Variants in CCSER1 observed in about 807,000 individuals in gnomAD.
CCSER1 encodes the protein coiled-coil serine rich protein 1.
In CCSER1, 41 loss-of-function variants were observed where a neutral mutation model predicts 82.0. The ratio of observed to expected loss-of-function variants is 0.50; its 90% CI spans 0.39 to 0.65. The LOEUF is 0.65. Among genes scored for constraint, CCSER1 ranks in the 30% least tolerant of loss-of-function variants. The probability of loss-of-function intolerance (pLI) is 0.00; values close to 1 mark genes in which losing one functional copy is unlikely to be tolerated. For synonymous variants in CCSER1, 414 were observed against 383.9 expected (o/e 1.08, Z -0.92); for missense variants, 1,119 against 1,064.2 (o/e 1.05, Z -0.72).
At chr4:90,767,825 G>A (rs1007613245) in intron 7 of CCSER1, among the ~76,000 whole-genome samples, 3 of 151,784 alleles carry the variant, frequency 2.0e-5, no homozygotes, top group African/African-American at 7.2e-5. Context: ...GTGCCACCAT[G>A]CCTGGCTTAT....
At chr4:90,686,415 T>A (rs1734826201) in intron 6 of CCSER1, among the ~76,000 whole-genome samples, 1 of 152,034 alleles carries the variant, frequency 6.6e-6, no homozygotes. Flanking sequence ...GTAGGATTTC[T>A]TTTTACTTTA....
chr4:90,307,877 G>A (rs1025339787), intron 1 of CCSER1, among the ~76,000 whole-genome samples: 6 of 152,094 alleles, frequency 3.9e-5, no homozygotes, highest in African/African-American at 1.4e-4. Flanking sequence ...CGTGCCTACT[G>A]CATCTAAATA....
intron 1 of CCSER1, among the ~76,000 whole-genome samples, chr4:90,242,693 A>G (rs1486860198): frequency 1.3e-5 from 2 of 152,352 alleles, no homozygotes; most frequent in East Asian, 3.9e-4. Flanking sequence ...ACAATTAATT[A>G]TAGAGCACGT....
intron 5 of CCSER1, among the ~76,000 whole-genome samples, chr4:90,619,710 A>T (rs770671503): frequency 2.9e-4 from 44 of 152,136 alleles, no homozygotes; most frequent in Non-Finnish European, 3.2e-4. Context: ...ATAATTAATT[A>T]GAAAATGAGA....
At chr4:91,358,358 C>T (rs1748999889) in intron 10 of CCSER1, among the ~76,000 whole-genome samples, 1 of 146,826 alleles carries the variant, frequency 6.8e-6, no homozygotes, top group African/African-American at 2.5e-5. Flanking sequence ...ACATAGTTCC[C>T]AGTGGGGTGG....
intron 8 of CCSER1, among the ~76,000 whole-genome samples, chr4:90,895,912 A>G (rs1053602981): frequency 6.6e-6 from 1 of 151,966 alleles, no homozygotes; most frequent in African/African-American, 2.4e-5. Flanking sequence ...ATCTGATTTT[A>G]TTTTAGAAAG....
At chr4:91,335,261 C>G (rs1477423128) in intron 10 of CCSER1, among the ~76,000 whole-genome samples, 2 of 151,982 alleles carry the variant, frequency 1.3e-5, no homozygotes, top group Admixed American at 6.6e-5. Context: ...CTGTTTCCTA[C>G]CCCAATCCCC....
intron 3 of CCSER1, among the ~76,000 whole-genome samples, chr4:90,357,070 AAAAG>A (rs1744492223): frequency 6.6e-6 from 1 of 151,942 alleles, no homozygotes; most frequent in Non-Finnish European, 1.5e-5. Context: ...ACTCAATAGA[AAAAG>A]AAATAATTGG....
At chr4:90,142,389 C>T (rs1318456276) in intron 1 of CCSER1, among the ~76,000 whole-genome samples, 2 of 152,214 alleles carry the variant, frequency 1.3e-5, no homozygotes, top group African/African-American at 2.4e-5. Flanking sequence ...TGCTTGGCAC[C>T]AGACAATTAA....
At chr4:91,312,013 G>T (rs1258088552) in intron 10 of CCSER1, among the ~76,000 whole-genome samples, 1 of 151,806 alleles carries the variant, frequency 6.6e-6, no homozygotes, top group African/African-American at 2.4e-5. Flanking sequence ...AAATTATTCT[G>T]ATTTTTAAAA....
At chr4:91,354,395 C>A (rs1412411935) in intron 10 of CCSER1, among the ~76,000 whole-genome samples, 1 of 152,182 alleles carries the variant, frequency 6.6e-6, no homozygotes, top group Non-Finnish European at 1.5e-5. Flanking sequence ...GTCCACTGAT[C>A]AGGCAGATTA....
intron 10 of CCSER1, among the ~76,000 whole-genome samples, chr4:91,409,688 CTTTTTTCT>C: frequency 6.6e-6 from 1 of 152,072 alleles, no homozygotes; most frequent in South Asian, 2.1e-4. Context: ...TTGTCTTTTT[CTTTTTTCT>C]TTTTTTCTTT....
intron 7 of CCSER1, among the ~76,000 whole-genome samples, chr4:90,736,028 G>T (rs1189332846): frequency 6.6e-6 from 1 of 151,970 alleles, no homozygotes; most frequent in Non-Finnish European, 1.5e-5. Flanking sequence ...AATTCATTGT[G>T]TTGTTGATTT....
At chr4:91,037,897 C>T (rs1033327354) in intron 9 of CCSER1, among the ~76,000 whole-genome samples, 1 of 151,946 alleles carries the variant, frequency 6.6e-6, no homozygotes, top group Non-Finnish European at 1.5e-5. Flanking sequence ...TATGCATATA[C>T]AACAGACATA....
intron 9 of CCSER1, among the ~76,000 whole-genome samples, chr4:90,986,315 T>C (rs1434896603): frequency 6.6e-6 from 1 of 151,796 alleles, no homozygotes; most frequent in African/African-American, 2.4e-5. Flanking sequence ...GTTTTAACCT[T>C]GATGTTTTTA....
chr4:90,530,152 A>T (rs1774322954), intron 5 of CCSER1, among the ~76,000 whole-genome samples: 1 of 152,188 alleles, frequency 6.6e-6, no homozygotes, highest in Non-Finnish European at 1.5e-5. Context: ...GAAACTGGAG[A>T]TGCCAAGATG....
rs955282639 is a variant in CCSER1 at position 91,253,962 on chromosome 4, G to C, written c.2217+167968G>C. Among the ~76,000 whole-genome samples, 11 of 152,212 alleles carry C rather than the reference G, an allele frequency of 7.2e-5. No homozygotes were observed. The East Asian group carries it at 1.4e-3, about 19-fold the overall frequency. On this transcript the variant is annotated intron_variant, in intron 10 of 10. Transcript: ENST00000509176. ...GGTGCTAAACCATTTGTGAGAAACT[G>C]CCCCCATGATCCAATCACCTCCCAC...
chr4:90,828,187 A>G (rs556443554), intron 8 of CCSER1, among the ~76,000 whole-genome samples: 34 of 152,332 alleles, frequency 2.2e-4, no homozygotes, highest in African/African-American at 8.2e-4. Context: ...TATATCCAAC[A>G]TACCTCAAGT....
chr4:91,395,735 A>G (rs1041811217), intron 10 of CCSER1, among the ~76,000 whole-genome samples: 3 of 152,022 alleles, frequency 2.0e-5, no homozygotes, highest in African/African-American at 4.8e-5. Context: ...AAGGAATGCC[A>G]GTTAAGTAAT....
Sources: gnomAD v4.1 joint callset for allele counts (sites outside exome capture counted in the v4.1 genomes callset) on GRCh38, gnomAD v4.1.1 for gene constraint, MANE v1.5 for transcripts, NCBI Gene and HGNC (gene_info 2026-07-23, HGNC 2026-07-21) for gene names.